The following DNAH1 variants were observed in gnomAD, a reference collection of about 807,000 sequenced individuals.
The protein encoded by DNAH1 is dynein axonemal heavy chain 1, also known as axonemal beta dynein heavy chain 1.
DNAH1 carries 327 observed loss-of-function variants against 484.3 expected under a neutral mutation model. The ratio of observed to expected loss-of-function variants is 0.68; its 90% CI spans 0.62 to 0.74. DNAH1 has a LOEUF of 0.74. Among genes scored for constraint, DNAH1 ranks in the 30% least tolerant of loss-of-function variants. The pLI is 0.00. For synonymous variants in DNAH1, 2,192 were observed against 2,191.9 expected (o/e 1.00, Z 0.00); for missense variants, 5,052 against 5,546.8 (o/e 0.91, Z 2.83).
At chr3:52,345,294 C>G (rs1955256151) in intron 9 of DNAH1, among the ~76,000 whole-genome samples, 1 of 152,138 alleles carries the variant, frequency 6.6e-6, no homozygotes, top group African/African-American at 2.4e-5. Context: ...ATTCCTTTAC[C>G]CATCTCAGAG....
At chr3:52,377,291 C>CTCCA (rs1269124385) in intron 46 of DNAH1, among the ~76,000 whole-genome samples, 2 of 152,044 alleles carry the variant, frequency 1.3e-5, no homozygotes, top group Admixed American at 1.3e-4. Context: ...TGGCGCCATC[C>CTCCA]TCCATCCCCC....
Position 52,354,908 on chromosome 3 carries a change from A to G in DNAH1, c.3546A>G (p.Thr1182=), listed in dbSNP as rs752937551. The G allele has an allele frequency of 1.2e-5, 19 of 1,614,048 alleles. No homozygotes were observed. Among genetic ancestry groups the G allele is most frequent in the African/African-American group, 4.0e-5 (3 of 75,064 alleles). The change falls in exon 21 of 78, where the codon ACA becomes ACG. Residue 1182 remains threonine, a synonymous_variant. Coordinates refer to ENST00000420323, the MANE Select transcript of DNAH1 (RefSeq NM_015512.5). ...ILFNVLPYKA[T]DTYILKSPDE... The stretch of plus-strand genomic sequence containing the variant: ...TCAATGTACTGCCCTACAAGGCGAC[A>G]GACACCTACATCCTGAAGAGCCCGG...
chr3:52,389,399 G>T, intron 59 of DNAH1, 62 bp from the exon 60 acceptor site: 2 of 1,603,494 alleles, frequency 1.2e-6, no homozygotes, highest in East Asian at 2.2e-5. Context: ...GTGGCTTAGT[G>T]GGAGTTGGGA....
In DNAH1 at chr3:52,350,060, G is replaced by A; in HGVS notation, c.2598G>A (p.Glu866=). ...EKPNSIEELA[E]LREWMKGIPE... is the part of the protein sequence containing the mutation. ...CCAACAGCATTGAGGAGCTGGCTGA[G>A]CTGCGAGAGTGGATGAAGGGCATCC... The change falls in exon 15 of 78, where the codon GAG becomes GAA. Residue 866 remains glutamate, a synonymous_variant. Transcript: ENST00000420323. 6.2e-7 allele frequency: 1 copy of A among 1,613,270 alleles called. No individual in the cohort carries two copies. The highest frequency in any genetic ancestry group is 8.5e-7 in the Non-Finnish European group (1 of 1,179,776).
chr3:52,366,918 C>G, intron 36 of DNAH1, 31 bp downstream of exon 36: 2 of 1,586,856 alleles, frequency 1.3e-6, no homozygotes, highest in Non-Finnish European at 1.7e-6. Flanking sequence ...ACCGGTGACC[C>G]CCTGCTCCCA....
At chr3:52,366,661 C>T (rs1703088431) in intron 35 of DNAH1, 72 bp from the exon 36 acceptor site, 1 of 1,566,918 alleles carries the variant, frequency 6.4e-7, no homozygotes, top group African/African-American at 1.3e-5. Flanking sequence ...TACCCCTCCC[C>T]CTCCCCTTGG....
At chr3:52,367,523 G>A (rs1362465078) in intron 36 of DNAH1, among the ~76,000 whole-genome samples, 1 of 151,954 alleles carries the variant, frequency 6.6e-6, no homozygotes, top group East Asian at 1.9e-4. Flanking sequence ...TGAGGGGGCT[G>A]GGGGTCAGAC....
Position 52,366,717 on chromosome 3 carries a change from G to A in DNAH1, c.5611-16G>A, listed in dbSNP as rs1398455881. 6.2e-7 allele frequency: 1 copy of A among 1,601,224 alleles called. No homozygotes were observed. The highest frequency in any genetic ancestry group is 8.5e-7 in the Non-Finnish European group (1 of 1,171,110). On this transcript the variant is annotated splice_polypyrimidine_tract_variant and intron_variant, in intron 35 of 77. Coordinates refer to ENST00000420323, the MANE Select transcript of DNAH1 (RefSeq NM_015512.5). The stretch of plus-strand genomic sequence containing the variant: ...TGCTCTCTGGGAGCCTCACTCTCAG[G>A]CGGTCCGTCTCCCAGTGTTACAGAG...
intron 2 of DNAH1, 24 bp downstream of exon 2, chr3:52,322,799 C>T (rs762640895): frequency 1.9e-6 from 3 of 1,566,962 alleles, no homozygotes. Flanking sequence ...CCATCCCCTA[C>T]CAAGCCTCAA....
At chr3:52,329,793 C>T (rs971492865) in intron 6 of DNAH1, among the ~76,000 whole-genome samples, 2 of 151,566 alleles carry the variant, frequency 1.3e-5, no homozygotes, top group Admixed American at 1.3e-4. Context: ...CCATTGCACT[C>T]CAGCCTGGGC....
intron 14 of DNAH1, 119 bp from the exon 15 acceptor site, chr3:52,349,870 T>G: frequency 8.2e-5 from 110 of 1,346,460 alleles, no homozygotes; most frequent in Non-Finnish European, 8.7e-5. Flanking sequence ...CGCCGCAGGA[T>G]GTTGTGGTGG....
At chr3:52,341,407 G>A (rs1054097434) in intron 8 of DNAH1, among the ~76,000 whole-genome samples, 1 of 152,066 alleles carries the variant, frequency 6.6e-6, no homozygotes, top group African/African-American at 2.4e-5. Flanking sequence ...AATAGAAGAA[G>A]CAGCTGGTAA....
In DNAH1 at chr3:52,316,416, GCCTCCAGTTCC is replaced by G. The variant is rs1700952686; in HGVS notation, c.-159_-149del. 1 of 152,334 alleles carries G rather than the reference GCCTCCAGTTCC, an allele frequency of 6.6e-6. No homozygotes were observed. The highest frequency in any genetic ancestry group is 6.5e-5 in the Admixed American group (1 of 15,284). The allele number at this position is 152,334 out of a possible 1,614,324, so 9.4% of individuals were successfully genotyped here. On this transcript the variant is annotated 5_prime_UTR_variant, in exon 1 of 78. It introduces an in-frame stop codon into an upstream open reading frame of the 5' UTR. Coordinates refer to ENST00000420323, the MANE Select transcript of DNAH1 (RefSeq NM_015512.5). Reference sequence around the variant, plus strand: ...CCCTTCTAAGAGCTGTGGACACCTTGCCTCCAGTTCCCCTCACAGTCCTTTCTTCCTTCTGC... The same window carrying G: ...CCCTTCTAAGAGCTGTGGACACCTTGCCTCACAGTCCTTTCTTCCTTCTGC...
intron 44 of DNAH1, chr3:52,374,605 A>G: frequency 1.3e-6 from 2 of 1,497,438 alleles, no homozygotes. Flanking sequence ...GCTCTCTATT[A>G]CTGGAATAAT....
At chr3:52,315,698 G>A (rs1005235300), upstream of DNAH1, among the ~76,000 whole-genome samples, 2 of 152,244 alleles carry the variant, frequency 1.3e-5, no homozygotes, top group African/African-American at 4.8e-5. Flanking sequence ...ATCACAAGAG[G>A]GGCAGGAGTC....
At position 52,346,605 on chromosome 3, in the gene DNAH1, G is replaced by T. The variant is rs373434606; in HGVS notation, c.1790G>T (p.Arg597Leu). Residue 597 changes from arginine (R) to leucine (L), a missense_variant, in exon 11 of 78, where the codon CGC (arginine) becomes CTC (leucine). By Grantham distance (102) the Arg-to-Leu change is moderately radical. Around this residue, in one of 4 missense-constraint regions of DNAH1, gnomAD observed 1,263 missense variants for 1,218.8 expected, o/e 1.04. Transcript: ENST00000420323. ...NWEVYLMSKLRKLMELVKYML... is the reference protein window; with the variant it reads ...NWEVYLMSKLLKLMELVKYML... ...GAGGTGTACCTCATGTCCAAGCTGCGCAAGCTGATGGAGCTGGTGAAGTAC... is the reference window on the plus strand; with the variant it reads ...GAGGTGTACCTCATGTCCAAGCTGCTCAAGCTGATGGAGCTGGTGAAGTAC... 3.7e-6 allele frequency: 6 copies of T among 1,613,946 alleles called. No homozygotes were observed. Among genetic ancestry groups the T allele is most frequent in the South Asian group, 2.2e-5 (2 of 91,094 alleles).
chr3:52,331,619 CTTTTTTTT>C (rs36097098), intron 7 of DNAH1, among the ~76,000 whole-genome samples: 4 of 111,374 alleles, frequency 3.6e-5, no homozygotes, highest in Non-Finnish European at 7.6e-5. Context: ...AAATACTTTT[CTTTTTTTT>C]TTTTTTTTTT....
chr3:52,361,522 C>T lies in DNAH1; in HGVS notation c.4875-139C>T. On this transcript the variant is annotated intron_variant, in intron 29 of 77. Transcript: ENST00000420323. This position sits in a 1 kb window ranked among gnomAD's most constrained non-coding sequence, Gnocchi z 5.6. ...CTGGGGGCATTGGGGTGGGGAGTGG[C>T]AGTGGGTTGAAGACTGAGCTGATGG... is the stretch of plus-strand genomic sequence containing the variant. 2 of 1,214,834 alleles carry T rather than the reference C, an allele frequency of 1.6e-6. No homozygotes were observed. The highest frequency in any genetic ancestry group is 1.5e-5 in the South Asian group (1 of 67,306). The allele number at this position is 1,214,834 out of a possible 1,614,324, so 75.3% of individuals were successfully genotyped here.
chr3:52,374,414 G>A (rs1260796087), intron 44 of DNAH1: 1 of 1,313,344 alleles, frequency 7.6e-7, no homozygotes, highest in Admixed American at 1.7e-5. Context: ...CAGAACCAGT[G>A]GTGATGACAC....
Sources: gnomAD v4.1 joint callset for allele counts (sites outside exome capture counted in the v4.1 genomes callset) on GRCh38, gnomAD v4.1.1 for gene constraint, gnomAD v4.1.1 regional missense constraint, Gnocchi (gnomAD v3.1) non-coding constraint, MANE v1.5 for transcripts, NCBI Gene and HGNC (gene_info 2026-07-23, HGNC 2026-07-21) for gene names.